KIAA0319L: variants seen among roughly 807,000 people sequenced by gnomAD.
KIAA0319L encodes the protein dyslexia-associated protein KIAA0319-like protein.
In KIAA0319L, 55 loss-of-function variants were observed where a neutral mutation model predicts 120.1. That is an observed-to-expected ratio of 0.46 (90% CI 0.37 to 0.57). KIAA0319L has a LOEUF of 0.57. Ranked by LOEUF, KIAA0319L falls within the 20% of genes least tolerant of loss-of-function variation. KIAA0319L has a pLI of 0.00. For missense variants in KIAA0319L, 1,049 were observed against 1,255.3 expected (o/e 0.84, Z 2.48); for synonymous variants, 398 against 471.9 (o/e 0.84, Z 2.03).
At chr1:35,458,954 TA>T (rs1367573835) in intron 9 of KIAA0319L, among the ~76,000 whole-genome samples, 1 of 152,198 alleles carries the variant, frequency 6.6e-6, no homozygotes, top group Non-Finnish European at 1.5e-5. Flanking sequence ...GAAATCCTGC[TA>T]AGTCAGAAGT....
intron 3 of KIAA0319L, among the ~76,000 whole-genome samples, chr1:35,488,577 G>T (rs1207124484): frequency 2.0e-5 from 3 of 152,192 alleles, no homozygotes; most frequent in Non-Finnish European, 1.5e-5. Context: ...GGGAGTGGAT[G>T]AACTACGACA....
chr1:35,485,295 GT>G (rs1047411206), intron 3 of KIAA0319L, among the ~76,000 whole-genome samples: 1 of 150,950 alleles, frequency 6.6e-6, no homozygotes, highest in Admixed American at 6.6e-5. Context: ...GCTCTGCTCG[GT>G]TTTTTTTTCT....
At chr1:35,435,150 C>A (rs1452970878) in intron 20 of KIAA0319L, 69 bp from the exon 21 acceptor site, 1 of 1,424,724 alleles carries the variant, frequency 7.0e-7, no homozygotes, top group East Asian at 2.3e-5. Flanking sequence ...CCACACCTTA[C>A]CCCAGCCTGA....
chr1:35,500,912 T>C (rs1644981440), intron 3 of KIAA0319L, among the ~76,000 whole-genome samples: 1 of 152,012 alleles, frequency 6.6e-6, no homozygotes, highest in South Asian at 2.1e-4. Flanking sequence ...ATATAACTTA[T>C]CTGGATCTGA....
intron 20 of KIAA0319L, among the ~76,000 whole-genome samples, chr1:35,438,329 A>C (rs10908395): frequency 0.032 from 4,817 of 152,138 alleles, 237 homozygotes; most frequent in East Asian, 0.25. Flanking sequence ...TCAGTGCTGA[A>C]GCTGGGAGCC....
intron 2 of KIAA0319L, among the ~76,000 whole-genome samples, chr1:35,534,574 C>A (rs534669359): frequency 2.6e-5 from 4 of 152,190 alleles, no homozygotes; most frequent in Non-Finnish European, 4.4e-5. Context: ...GAATAACAAT[C>A]GGTGGCCGGG....
At position 35,554,375 on chromosome 1, in the gene KIAA0319L, G is replaced by A. The variant is rs1483700639; in HGVS notation, c.117C>T (p.Cys39=). The A allele has an allele frequency of 1.9e-6, 3 of 1,605,042 alleles. No individual in the cohort carries two copies. In the African/African-American group the frequency reaches 4.0e-5, roughly 22 times the overall value. Residue 39 remains cysteine, a synonymous_variant, in exon 2 of 21, where the codon TGC becomes TGT. Coordinates refer to ENST00000325722, the MANE Select transcript of KIAA0319L (RefSeq NM_024874.5). ...CTGTTGACAACCACAGAACGCTGAA[G>A]CAAAAGCAAGTATAAAACAGGTACA... ...RSLYLFYTCF[C]FSVLWLSTDA... is the part of the protein sequence containing the mutation.
rs1358239163 is a variant in KIAA0319L at position 35,453,742 on chromosome 1, G to A, written c.1781-53C>T. The stretch of plus-strand genomic sequence containing the variant: ...AGCAGCCAGTCCAGGTGGGAAAGGA[G>A]AGGAACCAATTGGGACACATGTTCT... On this transcript the variant is annotated intron_variant, in intron 11 of 20. Transcript: ENST00000325722. The surrounding 1 kb of genome is among the most constrained non-coding windows in gnomAD (Gnocchi z 4.1). 9.6e-6 allele frequency: 15 copies of A among 1,567,510 alleles called. No homozygotes were observed. The highest frequency in any genetic ancestry group is 1.3e-5 in the Non-Finnish European group (15 of 1,152,600).
chr1:35,438,849 A>G (rs1640991997), intron 20 of KIAA0319L: 1 of 152,286 alleles, frequency 6.6e-6, no homozygotes, highest in African/African-American at 2.4e-5. Context: ...AAACAACAAC[A>G]ACAACAACAA....
At position 35,506,519 on chromosome 1, in the gene KIAA0319L, C is replaced by T. The variant is rs920822334; in HGVS notation, c.666+93G>A. On this transcript the variant is annotated intron_variant, in intron 3 of 20. Coordinates refer to ENST00000325722, the MANE Select transcript of KIAA0319L (RefSeq NM_024874.5). This position sits in a 1 kb window ranked among gnomAD's most constrained non-coding sequence, Gnocchi z 4.0. ...ATATATACACTCCTCAGCCTATGAG[C>T]ACTGCCCGCAAGCATCAGCTTCATT... 8.0e-7 allele frequency: 1 copy of T among 1,247,796 alleles called. No homozygotes were observed. The highest frequency in any genetic ancestry group is 1.1e-6 in the Non-Finnish European group (1 of 887,768). The allele number at this position is 1,247,796 out of a possible 1,614,324, so 77.3% of individuals were successfully genotyped here.
At position 35,506,942 on chromosome 1, in the gene KIAA0319L, C is replaced by T. The variant is rs569529328; in HGVS notation, c.336G>A (p.Arg112=). The change falls in exon 3 of 21, where the codon AGG becomes AGA. Residue 112 remains arginine, a synonymous_variant. Coordinates refer to ENST00000325722, the MANE Select transcript of KIAA0319L (RefSeq NM_024874.5). This position sits in a 1 kb window ranked among gnomAD's most constrained non-coding sequence, Gnocchi z 4.0. ...TCCTAAAAGCCCGGCAGCTCTGGGG[C>T]CTGCTGCAGTCTGCCTGAATGCACA... The part of the protein sequence containing the change: ...EGMCIQADCS[R]PQSCRAFRTH... 1.9e-6 allele frequency: 3 copies of T among 1,613,858 alleles called. No homozygotes were observed. Among genetic ancestry groups the T allele is most frequent in the Admixed American group, 1.7e-5 (1 of 60,000 alleles).
At chr1:35,529,943 G>A (rs899842839) in intron 2 of KIAA0319L, among the ~76,000 whole-genome samples, 8 of 147,046 alleles carry the variant, frequency 5.4e-5, no homozygotes, top group African/African-American at 2.0e-4. Context: ...CCAAGACTCA[G>A]ATTTTTGGTC....
chr1:35,518,890 G>A (rs1645793228), intron 2 of KIAA0319L, among the ~76,000 whole-genome samples: 1 of 150,652 alleles, frequency 6.6e-6, no homozygotes, highest in Non-Finnish European at 1.5e-5. Context: ...TGTAATCCCA[G>A]CTACTCGGGA....
chr1:35,514,243 C>T (rs1243894405), intron 2 of KIAA0319L, among the ~76,000 whole-genome samples: 3 of 151,822 alleles, frequency 2.0e-5, no homozygotes, highest in Non-Finnish European at 4.4e-5. Context: ...AAAGTGCACA[C>T]ATAGTCGGGC....
chr1:35,548,702 A>G (rs756704714), intron 2 of KIAA0319L, among the ~76,000 whole-genome samples: 1 of 152,108 alleles, frequency 6.6e-6, no homozygotes, highest in Admixed American at 6.6e-5. Flanking sequence ...CTACCTAAAA[A>G]GTTTAAAATT....
At chr1:35,450,640 G>T in intron 13 of KIAA0319L, 131 bp from the exon 14 acceptor site, 1 of 793,802 alleles carries the variant, frequency 1.3e-6, no homozygotes, top group Non-Finnish European at 2.0e-6. Context: ...GCCTGTCCCT[G>T]CCACCAACCA....
chr1:35,557,380 T>C lies in KIAA0319L; in HGVS notation c.-202A>G, dbSNP rs970357029. 6.3e-6 allele frequency: 2 copies of C among 315,146 alleles called. No homozygotes were observed. The highest frequency in any genetic ancestry group is 2.3e-5 in the African/African-American group (1 of 43,494). The allele number at this position is 315,146 out of a possible 1,614,324, so 19.5% of individuals were successfully genotyped here. ...CAGCTACCTCTCGCCTCAGCCTCCC[T>C]GGACAGCGACGGCGGCCGGAAACAC... is the stretch of plus-strand genomic sequence containing the variant. On this transcript the variant is annotated 5_prime_UTR_variant, in exon 1 of 21. Coordinates refer to ENST00000325722, the MANE Select transcript of KIAA0319L (RefSeq NM_024874.5).
At chr1:35,449,060 T>C (rs1430304889) in intron 15 of KIAA0319L, among the ~76,000 whole-genome samples, 1 of 152,246 alleles carries the variant, frequency 6.6e-6, no homozygotes, top group East Asian at 1.9e-4. Context: ...ATTTGCATAA[T>C]TAGTAGACTA....
intron 16 of KIAA0319L, among the ~76,000 whole-genome samples, chr1:35,446,436 C>T (rs1199498569): frequency 6.6e-6 from 1 of 152,190 alleles, no homozygotes; most frequent in Non-Finnish European, 1.5e-5. Flanking sequence ...ATTTTCAGCA[C>T]CAACTTCCTC....
Sources: allele counts gnomAD v4.1 joint callset (sites outside exome capture counted in the v4.1 genomes callset), GRCh38; gene constraint gnomAD v4.1.1; non-coding constraint Gnocchi (gnomAD v3.1); transcripts MANE v1.5; gene names NCBI Gene and HGNC (gene_info 2026-07-23, HGNC 2026-07-21).